TTN: variants seen among roughly 807,000 people sequenced by gnomAD.
TTN encodes titin.
TTN carries 1,525 observed loss-of-function variants against 3,223.0 expected under a neutral mutation model. The ratio of observed to expected loss-of-function variants is 0.47; its 90% confidence interval spans 0.45 to 0.49. The LOEUF is 0.49. Ranked by LOEUF, TTN falls within the 20% of genes least tolerant of loss-of-function variation. The pLI is 0.00. For synonymous variants in TTN, 14,094 were observed against 15,161.0 expected (o/e 0.93, Z 5.17); for missense variants, 40,786 against 43,424.0 (o/e 0.94, Z 5.40).
In TTN at chr2:178,786,052, A is replaced by T; in HGVS notation, c.2166T>A (p.His722Gln). The T allele has an allele frequency of 6.2e-7, 1 of 1,614,082 alleles. No homozygotes were observed. Among genetic ancestry groups the T allele is most frequent in the Non-Finnish European group, 8.5e-7 (1 of 1,180,000 alleles). Residue 722 changes from histidine to glutamine, a missense_variant, in exon 14 of 363, where the codon CAT (histidine) becomes CAA (glutamine). Physicochemically the swap from His to Gln is conservative, Grantham distance 24 (BLOSUM62 0). Transcript: ENST00000589042. ...TCTGCTGAGCATAGGATTCTTCAAG[A>T]TGCCCAGGCTCTCTGGGCTCTCTGA... ...ARVREPREPG[H>Q]LEESYAQQTT...
intron 220 of TTN, 24 bp from the exon 221 acceptor site, chr2:178,640,654 A>G: frequency 6.5e-7 from 1 of 1,539,424 alleles, no homozygotes; most frequent in Non-Finnish European, 8.8e-7. Flanking sequence ...TTATTTTTTC[A>G]GTGTTAATAT....
At chr2:178,742,012 T>C (rs1574103613) in intron 47 of TTN, 91 bp from the exon 48 acceptor site, 1 of 956,078 alleles carries the variant, frequency 1.0e-6, no homozygotes, top group East Asian at 3.1e-5. Flanking sequence ...TTGATGGCCT[T>C]CTTCTGCTTT....
Position 178,630,250 on chromosome 2 carries a change from G to T in TTN, c.44272C>A (p.Arg14758=). The T allele has an allele frequency of 6.2e-7, 1 of 1,612,772 alleles. No homozygotes were observed. Among genetic ancestry groups the T allele is most frequent in the Non-Finnish European group, 8.5e-7 (1 of 1,179,340 alleles). Residue 14758 remains arginine (R), a synonymous_variant, in exon 239 of 363, where the codon CGA becomes AGA. Coordinates refer to ENST00000589042, the MANE Select transcript of TTN (RefSeq NM_001267550.2). ...AATATACAATACTTACGCTTAACTC[G>T]GAGGTGGGCACTAGATTTAACATTG... The part of the protein sequence containing the change: ...AANVKSSAHL[R]VKPRVIGLLR...
At position 178,567,685 on chromosome 2, in the gene TTN, A is replaced by T. The variant is rs770182488; in HGVS notation, c.78447T>A (p.Thr26149=). 1 of 1,612,062 alleles carries T rather than the reference A, an allele frequency of 6.2e-7. No individual in the cohort carries two copies. Among genetic ancestry groups the T allele is most frequent in the South Asian group, 1.1e-5 (1 of 90,970 alleles). The change falls in exon 326 of 363, where the codon ACT becomes ACA. Residue 26149 remains threonine (T), a synonymous_variant. Coordinates refer to ENST00000589042, the MANE Select transcript of TTN (RefSeq NM_001267550.2). ...SFTNVIETQF[T]VSGLTEDQRY... is the part of the protein sequence containing the mutation. ...TTTGATCTTCAGTAAGACCTGACACAGTAAATTGAGTTTCAATGACATTTG... is the reference window on the plus strand; with the variant it reads ...TTTGATCTTCAGTAAGACCTGACACTGTAAATTGAGTTTCAATGACATTTG...
chr2:178,619,444 A>T, intron 250 of TTN, 177 bp downstream of exon 250: 1 of 687,730 alleles, frequency 1.5e-6, no homozygotes, highest in Non-Finnish European at 2.4e-6. Flanking sequence ...TATTGCTATT[A>T]ATTTCCTCTT....
At position 178,575,640 on chromosome 2, in the gene TTN, C is replaced by T. The variant is rs370771532; in HGVS notation, c.70492G>A (p.Gly23498Ser). 1.8e-4 allele frequency: 292 copies of T among 1,613,414 alleles called. No individual in the cohort carries two copies. Among genetic ancestry groups the T allele is most frequent in the African/African-American group, 2.9e-4 (22 of 74,898 alleles). The change falls in exon 326 of 363, where the codon GGC becomes AGC. Residue 23498 changes from glycine (G) to serine (S), a missense_variant. Gly to Ser is a moderately conservative substitution (Grantham distance 56, BLOSUM62 0). Coordinates refer to ENST00000589042, the MANE Select transcript of TTN (RefSeq NM_001267550.2). This position sits in a 1 kb window ranked among gnomAD's most constrained non-coding sequence, Gnocchi z 4.0. ...KCHKCTYKVT[G>S]LSEGCEYFFR... ...AAATATTCACACCCTTCAGACAAGC[C>T]GGTAACTTTATATGTGCATTTATGG...
At position 178,552,953 on chromosome 2, in the gene TTN, C is replaced by T. The variant is rs397517746; in HGVS notation, c.89947G>A (p.Val29983Met). ...GATGTGCTAGAACATTTGTGTGACA[C>T]GACAGACCATGTTCTCTTGGTGGCA... ...RDATKRTWSV[V>M]SHKCSSTSFK... The change falls in exon 335 of 363, where the codon GTG becomes ATG. Residue 29983 changes from valine to methionine, a missense_variant. By Grantham distance (21) the Val-to-Met change is conservative (BLOSUM62 1). Transcript: ENST00000589042. The T allele has an allele frequency of 8.9e-5, 143 of 1,613,256 alleles. 2 individuals are homozygous for T. Among genetic ancestry groups the T allele is most frequent in the Admixed American group, 2.3e-4 (14 of 59,978 alleles).
At chr2:178,621,805 C>A in intron 244 of TTN, 35 bp downstream of exon 244, 1 of 1,610,504 alleles carries the variant, frequency 6.2e-7, no homozygotes. Flanking sequence ...TTTTTCCCAA[C>A]ACATATACTT....
intron 168 of TTN, 25 bp downstream of exon 168, chr2:178,664,435 C>T: frequency 6.4e-7 from 1 of 1,571,564 alleles, no homozygotes. Context: ...ACTATCCCAC[C>T]ATAAAAAGAC....
At position 178,557,687 on chromosome 2, in the gene TTN, G is replaced by A; in HGVS notation, c.87667C>T (p.His29223Tyr). 1.2e-6 allele frequency: 2 copies of A among 1,613,956 alleles called. No individual in the cohort carries two copies. Among genetic ancestry groups the A allele is most frequent in the Non-Finnish European group, 8.5e-7 (1 of 1,179,858 alleles). Reference sequence around the variant, plus strand: ...ACAGTCACACAAGCTGAATCTATATGATCACTGATGCCAAAGCGGTTTTCT... The same window carrying A: ...ACAGTCACACAAGCTGAATCTATATAATCACTGATGCCAAAGCGGTTTTCT... ...KAENRFGISD[H>Y]IDSACVTVKL... The change falls in exon 328 of 363, where the codon CAT (histidine) becomes TAT (tyrosine). Residue 29223 changes from histidine (H) to tyrosine (Y), a missense_variant. Coordinates refer to ENST00000589042, the MANE Select transcript of TTN (RefSeq NM_001267550.2).
intron 155 of TTN, 42 bp downstream of exon 155, chr2:178,671,929 G>T (rs779140416): frequency 6.4e-7 from 1 of 1,564,552 alleles, no homozygotes; most frequent in South Asian, 1.2e-5. Flanking sequence ...GAAAGTTAGA[G>T]CAAGATATAA....
At position 178,617,759 on chromosome 2, in the gene TTN, C is replaced by T. The variant is rs1386478916; in HGVS notation, c.47572+20G>A. 6.2e-7 allele frequency: 1 copy of T among 1,610,630 alleles called. No individual in the cohort carries two copies. The highest frequency in any genetic ancestry group is 1.1e-5 in the South Asian group (1 of 90,476). ...TCTGGATTTCATGCAGTAATTATTT[C>T]CCTTTTTTGATGGGCTTACCAATTG... On this transcript the variant is annotated intron_variant, in intron 253 of 362. Transcript: ENST00000589042.
At chr2:178,598,089 A>T in intron 292 of TTN, 31 bp from the exon 293 acceptor site, 1 of 1,598,686 alleles carries the variant, frequency 6.3e-7, no homozygotes, top group Non-Finnish European at 8.5e-7. Flanking sequence ...TTTTATAATT[A>T]GAATAGTTCT....
At position 178,730,644 on chromosome 2, in the gene TTN, T is replaced by C. The variant is rs1439465552; in HGVS notation, c.17889A>G (p.Glu5963=). 6.2e-7 allele frequency: 1 copy of C among 1,613,708 alleles called. No homozygotes were observed. ...FKDDQEISAS[E]KYKFSFHDNT... ...TGTCATGAAAAGAGAATTTGTACTT[T>C]TCACTAGCTGATATTTCTTGGTCAT... is the stretch of plus-strand genomic sequence containing the variant. Residue 5963 remains glutamate (E), a synonymous_variant, in exon 61 of 363, where the codon GAA becomes GAG. Transcript: ENST00000589042.
Position 178,715,782 on chromosome 2 carries a change from A to G in TTN, c.25640-8T>C, listed in dbSNP as rs1184501172. On this transcript the variant is annotated splice_polypyrimidine_tract_variant and splice_region_variant and intron_variant, in intron 88 of 362. Transcript: ENST00000589042. ...TAATGAACCTGGGTGGTTCTATGGAACCAAGAGGAAAAACACAGGGTAAGG... is the reference window on the plus strand; with the variant it reads ...TAATGAACCTGGGTGGTTCTATGGAGCCAAGAGGAAAAACACAGGGTAAGG... 3 of 1,568,110 alleles carry G rather than the reference A, an allele frequency of 1.9e-6. No individual in the cohort carries two copies. Among genetic ancestry groups the G allele is most frequent in the Non-Finnish European group, 2.6e-6 (3 of 1,154,746 alleles).
In TTN at chr2:178,701,994, G is replaced by A. The variant is rs1490094405; in HGVS notation, c.30538+46C>T. On this transcript the variant is annotated intron_variant, in intron 109 of 362. Coordinates refer to ENST00000589042, the MANE Select transcript of TTN (RefSeq NM_001267550.2). ...TGGCTTCTGTGATTTACAAAATTAT[G>A]CCAAATTTATTGTAAGCAAGGATTG... 1.9e-6 allele frequency: 3 copies of A among 1,587,324 alleles called. No individual in the cohort carries two copies. In the Admixed American group the frequency reaches 5.3e-5, roughly 28 times the overall value.
chr2:178,748,978 T>C, intron 47 of TTN: 1 of 1,612,560 alleles, frequency 6.2e-7, no homozygotes, highest in Non-Finnish European at 8.5e-7. Context: ...TAGGTCTTTT[T>C]TCTAGAACTC....
intron 9 of TTN, 64 bp downstream of exon 9, chr2:178,793,340 G>A: frequency 6.3e-7 from 1 of 1,587,390 alleles, no homozygotes; most frequent in Non-Finnish European, 8.6e-7. Flanking sequence ...TCATGGTAAA[G>A]GTGATTATCT....
Position 178,724,320 on chromosome 2 carries a change from T to G in TTN, c.21055A>C (p.Thr7019Pro), listed in dbSNP as rs1310121479. Residue 7019 changes from threonine to proline, a missense_variant, in exon 72 of 363, where the codon ACT (threonine) becomes CCT (proline). Physicochemically the swap from Thr to Pro is conservative, Grantham distance 38. Transcript: ENST00000589042. ...SVERQDAGTY[T>P]FQVQNNVGKS... ...CCAACATTATTTTGAACCTGGAAAG[T>G]GTATGTGCCTGCATCTTGCCTTTCA... The G allele has an allele frequency of 1.2e-6, 2 of 1,613,428 alleles. No individual in the cohort carries two copies. The highest frequency in any genetic ancestry group is 1.7e-6 in the Non-Finnish European group (2 of 1,179,638).
Sources: gnomAD v4.1 joint callset for allele counts on GRCh38, gnomAD v4.1.1 for gene constraint, Gnocchi (gnomAD v3.1) non-coding constraint, MANE v1.5 for transcripts, NCBI Gene and HGNC (gene_info 2026-07-23, HGNC 2026-07-21) for gene names.